Variants in TSC22D4 observed in about 807,000 individuals in gnomAD.
The protein encoded by TSC22D4 is TSC22 domain family member 4.
TSC22D4 carries 5 observed loss-of-function variants against 24.9 expected under a neutral mutation model. That is an observed-to-expected ratio of 0.20 (90% CI 0.10 to 0.42). The LOEUF (loss-of-function observed/expected upper bound fraction) is 0.42, where lower values mean the gene tolerates loss of function less well. Among genes scored for constraint, TSC22D4 ranks in the 10% least tolerant of loss-of-function variants. The pLI, the probability that TSC22D4 is intolerant of heterozygous loss-of-function variation, is 1.00. For missense variants in TSC22D4, 469 were observed against 547.9 expected (o/e 0.86, Z 1.44); for synonymous variants, 245 against 243.2 (o/e 1.01, Z -0.07).
rs769408977 is a variant in TSC22D4 at position 100,467,898 on chromosome 7, A to C, written c.930-298T>G. ...GAGCCATCCCCACCACTCGGGTCTC[A>C]TAAGACGACACCAGGGACTTGACAG... On this transcript the variant is annotated intron_variant, in intron 3 of 4. Transcript: ENST00000300181. The C allele has an allele frequency of 2.3e-5, 14 of 596,264 alleles. No individual in the cohort carries two copies. The East Asian group carries it at 4.2e-4, about 18-fold the overall frequency. The allele number at this position is 596,264 out of a possible 1,614,324, so 36.9% of individuals were successfully genotyped here.
intron 3 of TSC22D4, among the ~76,000 whole-genome samples, chr7:100,469,227 TAA>T (rs57659736): frequency 3.2e-4 from 42 of 130,306 alleles, no homozygotes; most frequent in African/African-American, 5.5e-4. Flanking sequence ...AACTCTGTCT[TAA>T]AAAAAAAAAA....
rs2131037635 is a variant in TSC22D4 at position 100,466,803 on chromosome 7, T to G, written c.*156A>C. 6.8e-6 allele frequency: 5 copies of G among 736,608 alleles called. No homozygotes were observed. The highest frequency in any genetic ancestry group is 2.0e-5 in the South Asian group (1 of 49,912). The allele number at this position is 736,608 out of a possible 1,614,324, so 45.6% of individuals were successfully genotyped here. A position where few individuals can be genotyped will look rare whatever the true frequency, so the allele number is the denominator to read the frequency against. On this transcript the variant is annotated 3_prime_UTR_variant, in exon 5 of 5. Transcript: ENST00000300181. ...CCTCCTCCATCAAGGCTGGGGATGA[T>G]GAGGAGATGGGGCAGGGGCCGGGGG...
chr7:100,477,685 GC>G lies in TSC22D4; in HGVS notation c.353del (p.Gly118AlafsTer99). On this transcript the variant is annotated frameshift_variant, in exon 2 of 5. Transcript: ENST00000300181. LOFTEE classifies it high-confidence loss of function. This position sits in a 1 kb window ranked among gnomAD's most constrained non-coding sequence, Gnocchi z 7.8. ...TGGAATCCAAAGATCTGCCCCCGGCGCCCCCTGAGGCCCCTCGAATTCCCTC... is the reference window on the plus strand; with the variant it reads ...TGGAATCCAAAGATCTGCCCCCGGCGCCCCTGAGGCCCCTCGAATTCCCTC... ...LLEGIRGASG[G>X]AGGRSLDSRL... is the part of the protein sequence containing the mutation. 6.3e-7 allele frequency: 1 copy of G among 1,591,870 alleles called. No homozygotes were observed.
chr7:100,471,909 C>T (rs2131045580), intron 3 of TSC22D4, among the ~76,000 whole-genome samples: 1 of 152,154 alleles, frequency 6.6e-6, no homozygotes, highest in East Asian at 1.9e-4. Context: ...TTTCCCAAGT[C>T]CCTGGGATCC....
At position 100,477,849 on chromosome 7, in the gene TSC22D4, G is replaced by C; in HGVS notation, c.190C>G (p.Pro64Ala). The change falls in exon 2 of 5, where the codon CCA becomes GCA. Residue 64 changes from proline to alanine, a missense_variant. Physicochemically the swap from Pro to Ala is conservative, Grantham distance 27. Coordinates refer to ENST00000300181, the MANE Select transcript of TSC22D4 (RefSeq NM_030935.5). This position sits in a 1 kb window ranked among gnomAD's most constrained non-coding sequence, Gnocchi z 7.8. ...AAACGGGAGGAAGGGGCCCCAGGTG[G>C]TGGGGAGCCATTCCGGGGGGTGCCC... ...GKGTPRNGSP[P>A]PGAPSSRFRV... The C allele has an allele frequency of 6.3e-7, 1 of 1,596,952 alleles. No individual in the cohort carries two copies. Among genetic ancestry groups the C allele is most frequent in the Admixed American group, 1.7e-5 (1 of 57,706 alleles).
chr7:100,478,338 AGAGAGAGAGAGAGTGTGTGT>A (rs1429100123), intron 1 of TSC22D4, 31 bp from the exon 2 acceptor site: 82 of 298,146 alleles, frequency 2.8e-4, no homozygotes, highest in African/African-American at 3.6e-4. Context: ...AGAGAGAGAG[AGAGAGAGAGAGAGTGTGTGT>A]GTGTGTGTGT....
Position 100,477,403 on chromosome 7 carries a change from G to C in TSC22D4, c.636C>G (p.Pro212=). The change falls in exon 2 of 5, where the codon CCC becomes CCG. Residue 212 remains proline, a synonymous_variant. Coordinates refer to ENST00000300181, the MANE Select transcript of TSC22D4 (RefSeq NM_030935.5). This position sits in a 1 kb window ranked among gnomAD's most constrained non-coding sequence, Gnocchi z 7.8. The part of the protein sequence containing the change: ...ESAGTSRAAT[P]LPSLRVEAEA... ...CCGCTTCCACCCTCAGAGAGGGCAG[G>C]GGCGTGGCAGCCCGGGATGTGCCCG... 4.4e-6 allele frequency: 7 copies of C among 1,596,482 alleles called. No individual in the cohort carries two copies. Among genetic ancestry groups the C allele is most frequent in the Non-Finnish European group, 5.1e-6 (6 of 1,170,752 alleles).
intron 3 of TSC22D4, among the ~76,000 whole-genome samples, chr7:100,472,394 T>C (rs1249839928): frequency 3.0e-4 from 9 of 30,064 alleles, no homozygotes; most frequent in Non-Finnish European, 6.0e-4. Context: ...CCGGTCAGAT[T>C]GGGGTGTGCA....
At position 100,477,171 on chromosome 7, in the gene TSC22D4, TA is replaced by T; in HGVS notation, c.762+105del. On this transcript the variant is annotated intron_variant, in intron 2 of 4. Coordinates refer to ENST00000300181, the MANE Select transcript of TSC22D4 (RefSeq NM_030935.5). The surrounding 1 kb of genome is among the most constrained non-coding windows in gnomAD (Gnocchi z 7.8). The stretch of plus-strand genomic sequence containing the variant: ...CAGAGAAGAGGGCTATCTGATCTTA[TA>T]AAGTGATGGAGAAGGAGGAGGAGAG... 1 of 1,017,486 alleles carries T rather than the reference TA, an allele frequency of 9.8e-7. No homozygotes were observed. The highest frequency in any genetic ancestry group is 1.4e-6 in the Non-Finnish European group (1 of 739,192). The allele number at this position is 1,017,486 out of a possible 1,614,324, so 63.0% of individuals were successfully genotyped here. A position where few individuals can be genotyped will look rare whatever the true frequency, so the allele number is the denominator to read the frequency against.
intron 1 of TSC22D4, 109 bp from the exon 2 acceptor site, chr7:100,478,416 G>T: frequency 5.0e-6 from 1 of 201,752 alleles, no homozygotes; most frequent in Admixed American, 5.7e-5. Flanking sequence ...CAGTGGGCAG[G>T]CCACCTCCGG....
Position 100,478,045 on chromosome 7 carries a change from T to C in TSC22D4, c.-7A>G. On this transcript the variant is annotated 5_prime_UTR_variant, in exon 2 of 5. Transcript: ENST00000300181. The stretch of plus-strand genomic sequence containing the variant: ...TCTTCTTGCCCCCGCTCATGGTCCC[T>C]GGGGCTCAGGGCTGGGCCAAGGTTG... The C allele has an allele frequency of 6.8e-7, 1 of 1,480,116 alleles. No individual in the cohort carries two copies. The allele number at this position is 1,480,116 out of a possible 1,614,324, so 91.7% of individuals were successfully genotyped here.
chr7:100,477,943 G>T lies in TSC22D4; in HGVS notation c.96C>A (p.Thr32=). Residue 32 remains threonine (T), a synonymous_variant, in exon 2 of 5, where the codon ACC becomes ACA. Coordinates refer to ENST00000300181, the MANE Select transcript of TSC22D4 (RefSeq NM_030935.5). The surrounding 1 kb of genome is among the most constrained non-coding windows in gnomAD (Gnocchi z 7.8). ...PGSPGASDPP[T]PQPPTGPPPR... is the part of the protein sequence containing the mutation. ...GCGGGGGCCCGGTTGGGGGCTGTGG[G>T]GTAGGGGGATCCGAAGCCCCTGGGC... The T allele has an allele frequency of 6.4e-7, 1 of 1,555,092 alleles. No homozygotes were observed. Among genetic ancestry groups the T allele is most frequent in the East Asian group, 2.4e-5 (1 of 42,276 alleles).
In TSC22D4 at chr7:100,478,047, G is replaced by C. The variant is rs1378679491; in HGVS notation, c.-9C>G. ...TTCTTGCCCCCGCTCATGGTCCCTG[G>C]GGCTCAGGGCTGGGCCAAGGTTGGG... On this transcript the variant is annotated 5_prime_UTR_variant, in exon 2 of 5. Transcript: ENST00000300181. 2 of 1,587,390 alleles carry C rather than the reference G, an allele frequency of 1.3e-6. No individual in the cohort carries two copies. The highest frequency in any genetic ancestry group is 2.7e-5 in the African/African-American group (2 of 74,648).
In TSC22D4 at chr7:100,477,455, G is replaced by C. The variant is rs761733554; in HGVS notation, c.584C>G (p.Pro195Arg). The change falls in exon 2 of 5, where the codon CCC becomes CGC. Residue 195 changes from proline to arginine, a missense_variant. Coordinates refer to ENST00000300181, the MANE Select transcript of TSC22D4 (RefSeq NM_030935.5). The surrounding 1 kb of genome is among the most constrained non-coding windows in gnomAD (Gnocchi z 7.8). ...PLSASSPQQR[P>R]PEPETGESAG... ...ACTCTCACCGGTCTCAGGCTCTGGG[G>C]GGCGCTGCTGGGGTGAGGAGGCCGA... 6.4e-7 allele frequency: 1 copy of C among 1,561,760 alleles called. No individual in the cohort carries two copies. The highest frequency in any genetic ancestry group is 8.7e-7 in the Non-Finnish European group (1 of 1,154,682).
rs11559121 is a variant in TSC22D4, at chr7:100,466,871, G to A, written c.*88C>T. ...CCTTGAACTCCCACCCCGGGGACAC[G>A]GGGACATTAAAGCTGCATAGGAAGA... is the stretch of plus-strand genomic sequence containing the variant. On this transcript the variant is annotated 3_prime_UTR_variant, in exon 5 of 5. Transcript: ENST00000300181. The A allele has an allele frequency of 0.012, 15,449 of 1,302,300 alleles. 126 individuals are homozygous for A. Among genetic ancestry groups the A allele is most frequent in the Non-Finnish European group, 0.014 (13,126 of 961,352 alleles). The allele number at this position is 1,302,300 out of a possible 1,614,324, so 80.7% of individuals were successfully genotyped here. A position where few individuals can be genotyped will look rare whatever the true frequency, so the allele number is the denominator to read the frequency against.
intron 2 of TSC22D4, among the ~76,000 whole-genome samples, chr7:100,475,945 T>A (rs1185037168): frequency 1.3e-5 from 2 of 150,994 alleles, no homozygotes; most frequent in African/African-American, 4.9e-5. Context: ...AGAAGAGGCA[T>A]GAGGGGACGT....
At position 100,474,180 on chromosome 7, in the gene TSC22D4, G is replaced by A. The variant is rs1799447021; in HGVS notation, c.929+94C>T. On this transcript the variant is annotated intron_variant, in intron 3 of 4. Transcript: ENST00000300181. The surrounding 1 kb of genome is among the most constrained non-coding windows in gnomAD (Gnocchi z 4.3). ...GGTCCTCTCCAAGTTCAACCTGGGG[G>A]AAGGATGCCTACCAGGCACTTTCTT... The A allele has an allele frequency of 3.3e-6, 5 of 1,519,760 alleles. No homozygotes were observed. The highest frequency in any genetic ancestry group is 4.5e-6 in the Non-Finnish European group (5 of 1,115,912). 94.1% of individuals were successfully genotyped at this position (1,519,760 alleles called of 1,614,324 possible). A position where few individuals can be genotyped will look rare whatever the true frequency, so the allele number is the denominator to read the frequency against.
chr7:100,467,909 C>G (rs766722644), intron 3 of TSC22D4: 11 of 577,428 alleles, frequency 1.9e-5, no homozygotes, highest in Non-Finnish European at 3.4e-5. Context: ...TAAGACGACA[C>G]CAGGGACTTG....
chr7:100,471,387 C>G (rs1364408478), intron 3 of TSC22D4, among the ~76,000 whole-genome samples: 1 of 152,128 alleles, frequency 6.6e-6, no homozygotes, highest in Non-Finnish European at 1.5e-5. Context: ...GGAGTTGGAC[C>G]CAGGCTCCAG....
Sources: allele counts gnomAD v4.1 joint callset (sites outside exome capture counted in the v4.1 genomes callset), GRCh38; gene constraint gnomAD v4.1.1; non-coding constraint Gnocchi (gnomAD v3.1); transcripts MANE v1.5; gene names NCBI Gene and HGNC (gene_info 2026-07-23, HGNC 2026-07-21).